PTK2: variants seen among roughly 807,000 people sequenced by gnomAD.
PTK2 encodes protein tyrosine kinase 2, also known as focal adhesion kinase 1.
Under a neutral mutation model 150.1 loss-of-function variants are expected in PTK2, and 45 were observed. The ratio of observed to expected loss-of-function variants is 0.30; its 90% CI spans 0.24 to 0.38. PTK2 has a LOEUF of 0.38. Among genes scored for constraint, PTK2 ranks in the 10% least tolerant of loss-of-function variants. PTK2 has a pLI of 1.00. For synonymous variants in PTK2, 432 were observed against 449.2 expected (o/e 0.96, Z 0.48); for missense variants, 919 against 1,307.3 (o/e 0.70, Z 4.58).
At chr8:140,957,114 C>T (rs990430451) in intron 1 of PTK2, among the ~76,000 whole-genome samples, 2 of 151,998 alleles carry the variant, frequency 1.3e-5, no homozygotes, top group African/African-American at 4.8e-5. Flanking sequence ...TAAAAAAATA[C>T]AGAAAAGCTC....
At chr8:140,816,376 A>C (rs988684396) in intron 10 of PTK2, among the ~76,000 whole-genome samples, 1 of 152,218 alleles carries the variant, frequency 6.6e-6, no homozygotes, top group Non-Finnish European at 1.5e-5. Context: ...AAATTTCACA[A>C]AAATTTATTC....
intron 23 of PTK2, among the ~76,000 whole-genome samples, chr8:140,707,429 TTTGAG>T (rs2100034441): frequency 6.6e-6 from 1 of 152,220 alleles, no homozygotes. Context: ...AATTTATTTA[TTTGAG>T]TTGAGACTGC....
intron 31 of PTK2, among the ~76,000 whole-genome samples, chr8:140,661,722 G>A (rs1230036852): frequency 6.6e-6 from 1 of 152,182 alleles, no homozygotes; most frequent in Non-Finnish European, 1.5e-5. Flanking sequence ...AGTGAGTGAG[G>A]AAGCTCTGGG....
intron 2 of PTK2, among the ~76,000 whole-genome samples, chr8:140,906,889 C>A (rs749417289): frequency 1.1e-4 from 16 of 152,054 alleles, no homozygotes; most frequent in Non-Finnish European, 1.9e-4. Flanking sequence ...ACAGGTATCA[C>A]GTATACCTCA....
intron 1 of PTK2, chr8:140,940,556 A>C (rs1486198078): frequency 6.6e-6 from 1 of 152,228 alleles, no homozygotes; most frequent in Non-Finnish European, 1.5e-5. Flanking sequence ...CCAAAATATG[A>C]CCATGGTCTA....
intron 22 of PTK2, among the ~76,000 whole-genome samples, chr8:140,730,001 T>C (rs1216753161): frequency 6.6e-6 from 1 of 152,214 alleles, no homozygotes; most frequent in African/African-American, 2.4e-5. Context: ...CCAACAGACA[T>C]TGCTCTATAA....
At chr8:140,758,617 G>A (rs950164771) in intron 16 of PTK2, among the ~76,000 whole-genome samples, 1 of 152,016 alleles carries the variant, frequency 6.6e-6, no homozygotes, top group South Asian at 2.1e-4. Flanking sequence ...GTATGTGTTT[G>A]TGTCTTAGTT....
intron 19 of PTK2, among the ~76,000 whole-genome samples, chr8:140,744,065 C>CT (rs61649315): frequency 7.3e-5 from 11 of 149,832 alleles, no homozygotes; most frequent in South Asian, 6.2e-4. Context: ...CTATGAGCCA[C>CT]CGCGCCCGGC....
At chr8:140,914,399 C>A (rs2100164364) in intron 2 of PTK2, among the ~76,000 whole-genome samples, 1 of 148,048 alleles carries the variant, frequency 6.8e-6, no homozygotes, top group Non-Finnish European at 1.5e-5. Context: ...ATCACTAACC[C>A]TTAAAGAACC....
chr8:140,669,637 G>C lies in PTK2; in HGVS notation c.2710-1213C>G. On this transcript the variant is annotated intron_variant, in intron 29 of 31. Transcript: ENST00000522684. ...GCAGGCCGAAGTGCCCTCCCACTTG[G>C]GCTTCCTGCTTTCCAGTCCAAAGTT... The C allele has an allele frequency of 2.1e-6, 3 of 1,437,704 alleles. 1 individual carries two copies. In the South Asian group the frequency reaches 3.8e-5, roughly 18 times the overall value. The allele number at this position is 1,437,704 out of a possible 1,614,324, so 89.1% of individuals were successfully genotyped here. A position where few individuals can be genotyped will look rare whatever the true frequency, so the allele number is the denominator to read the frequency against.
At chr8:140,753,708 T>C (rs1293257458) in intron 16 of PTK2, among the ~76,000 whole-genome samples, 2 of 152,076 alleles carry the variant, frequency 1.3e-5, no homozygotes, top group African/African-American at 4.8e-5. Context: ...TATATCATTT[T>C]ATATATTATA....
At chr8:140,803,187 G>A (rs557453010) in intron 11 of PTK2, among the ~76,000 whole-genome samples, 1 of 151,380 alleles carries the variant, frequency 6.6e-6, no homozygotes, top group African/African-American at 2.4e-5. Flanking sequence ...GCTTATCTTT[G>A]TATTTTTAAT....
At chr8:140,919,576 G>GTAT (rs2100166637) in intron 2 of PTK2, among the ~76,000 whole-genome samples, 1 of 151,954 alleles carries the variant, frequency 6.6e-6, no homozygotes, top group Non-Finnish European at 1.5e-5. Flanking sequence ...CAATGGAGGT[G>GTAT]GCAATATGCA....
chr8:140,836,384 C>G (rs1290891388), intron 7 of PTK2, among the ~76,000 whole-genome samples: 4 of 152,132 alleles, frequency 2.6e-5, no homozygotes, highest in Admixed American at 2.6e-4. Flanking sequence ...AGAATACATA[C>G]GTGGTGATGA....
At chr8:140,833,677 A>G (rs948798027) in intron 7 of PTK2, among the ~76,000 whole-genome samples, 1 of 152,256 alleles carries the variant, frequency 6.6e-6, no homozygotes, top group African/African-American at 2.4e-5. Flanking sequence ...TATGCGAATA[A>G]AACAACAAAT....
chr8:140,873,043 G>C (rs2100143437), intron 4 of PTK2, among the ~76,000 whole-genome samples: 2 of 152,182 alleles, frequency 1.3e-5, no homozygotes, highest in Admixed American at 1.3e-4. Flanking sequence ...TAATCCCCAA[G>C]TGACTTGTCA....
At chr8:140,780,852 G>A (rs1009102050) in intron 14 of PTK2, among the ~76,000 whole-genome samples, 1 of 152,188 alleles carries the variant, frequency 6.6e-6, no homozygotes, top group Non-Finnish European at 1.5e-5. Flanking sequence ...CAGAGGCAGA[G>A]GTGAAATAAA....
chr8:140,679,013 T>TTTG lies in PTK2; in HGVS notation c.2563-3515_2563-3514insCAA, dbSNP rs1564185168. ...CTGAGTGCTCCCCATGTTTTTTTTT[T>TTTG]TTTTTTTTTTTTTTTTTTTTTTTTT... is the stretch of plus-strand genomic sequence containing the variant. On this transcript the variant is annotated intron_variant, in intron 27 of 31. Coordinates refer to ENST00000522684, the Ensembl canonical transcript of PTK2. Among the ~76,000 whole-genome samples, 69 of 29,226 alleles carry TTTG rather than the reference T, an allele frequency of 2.4e-3. 1 individual carries two copies. The highest frequency in any genetic ancestry group is 7.2e-3 in the African/African-American group (68 of 9,482). The allele number at this position is 29,226 out of a possible 152,430, so 19.2% of individuals were successfully genotyped here. A position where few individuals can be genotyped will look rare whatever the true frequency, so the allele number is the denominator to read the frequency against.
chr8:140,913,968 A>G (rs979293746), intron 2 of PTK2, among the ~76,000 whole-genome samples: 1 of 152,230 alleles, frequency 6.6e-6, no homozygotes, highest in Non-Finnish European at 1.5e-5. Flanking sequence ...AATGAACCAA[A>G]GATTTCATTA....
Sources: gnomAD v4.1 joint callset for allele counts (sites outside exome capture counted in the v4.1 genomes callset) on GRCh38, gnomAD v4.1.1 for gene constraint, MANE v1.5 for transcripts, NCBI Gene and HGNC (gene_info 2026-07-23, HGNC 2026-07-21) for gene names.